Variants in C10orf90 observed in about 807,000 individuals in gnomAD.
The protein encoded by C10orf90 is chromosome 10 open reading frame 90.
A neutral mutation model predicts 62.5 loss-of-function variants in C10orf90; 56 were observed. The ratio of observed to expected loss-of-function variants is 0.90; its 90% confidence interval spans 0.72 to 1.12. The LOEUF (loss-of-function observed/expected upper bound fraction) is 1.12. C10orf90 is among the 50% of genes most tolerant of loss of function. The pLI, the probability that C10orf90 is intolerant of heterozygous loss-of-function variation, is 0.00. For missense variants in C10orf90, 970 were observed against 880.4 expected (o/e 1.10, Z -1.29); for synonymous variants, 386 against 340.4 (o/e 1.13, Z -1.47).
chr10:126,459,217 C>T lies in C10orf90; in HGVS notation c.2011G>A (p.Glu671Lys), dbSNP rs1433967153. Residue 671 changes from glutamate (E) to lysine (K), a missense_variant and splice_region_variant, in exon 7 of 10, where the codon GAA becomes AAA. Physicochemically the swap from Glu to Lys is moderately conservative, Grantham distance 56. Coordinates refer to ENST00000488181, the MANE Select transcript of C10orf90 (RefSeq NM_001350921.2). ...QTPARSLTLQ[E>K]ALEVRKPQFI... ...TGAGGCTTACGAACTTCCAGTGCTTCCTATGCAAAGCAAAGAAAATACGTC... is the reference window on the plus strand; with the variant it reads ...TGAGGCTTACGAACTTCCAGTGCTTTCTATGCAAAGCAAAGAAAATACGTC... 6.2e-7 allele frequency: 1 copy of T among 1,613,776 alleles called. No individual in the cohort carries two copies. Among genetic ancestry groups the T allele is most frequent in the South Asian group, 1.1e-5 (1 of 91,086 alleles).
intron 4 of C10orf90, among the ~76,000 whole-genome samples, chr10:126,484,853 A>T (rs1861342803): frequency 6.6e-6 from 1 of 152,358 alleles, no homozygotes; most frequent in South Asian, 2.1e-4. Flanking sequence ...AGTTCATATC[A>T]TCATATGATC....
intron 2 of C10orf90, among the ~76,000 whole-genome samples, chr10:126,586,698 G>A (rs987180114): frequency 6.6e-6 from 1 of 152,148 alleles, no homozygotes; most frequent in South Asian, 2.1e-4. Flanking sequence ...GAGGGGCTCT[G>A]GAGACTTCCT....
intron 8 of C10orf90, among the ~76,000 whole-genome samples, chr10:126,428,687 A>G (rs1857397780): frequency 6.6e-6 from 1 of 152,124 alleles, no homozygotes; most frequent in South Asian, 2.1e-4. Context: ...AAGGCTCCGT[A>G]ATGGTGGCTT....
intron 2 of C10orf90, among the ~76,000 whole-genome samples, chr10:126,557,771 A>G (rs961981009): frequency 3.3e-5 from 5 of 152,110 alleles, no homozygotes; most frequent in Admixed American, 3.3e-4. Context: ...ACTCCTGTAT[A>G]ATGTGAGTAG....
intron 2 of C10orf90, among the ~76,000 whole-genome samples, chr10:126,543,867 C>A: frequency 6.6e-6 from 1 of 152,166 alleles, no homozygotes; most frequent in East Asian, 1.9e-4. Context: ...CCCCTGAAAG[C>A]CTCAGTGAAC....
intron 2 of C10orf90, among the ~76,000 whole-genome samples, chr10:126,601,802 C>T (rs1415220402): frequency 6.6e-6 from 1 of 152,238 alleles, no homozygotes; most frequent in Non-Finnish European, 1.5e-5. Context: ...GGCCTGGATG[C>T]CGGTGGAGGG....
chr10:126,577,383 A>T (rs1844648740), intron 2 of C10orf90, among the ~76,000 whole-genome samples: 1 of 151,972 alleles, frequency 6.6e-6, no homozygotes, highest in Admixed American at 6.6e-5. Context: ...TTGTATTTCT[A>T]TTTGCTAGCA....
intron 2 of C10orf90, among the ~76,000 whole-genome samples, chr10:126,565,016 ATATAT>A (rs1241036764): frequency 6.8e-5 from 1 of 14,676 alleles, no homozygotes; most frequent in African/African-American, 2.1e-4. Context: ...TATATATAAT[ATATAT>A]TATATATTAT....
At chr10:126,578,785 C>T (rs545214843) in intron 2 of C10orf90, among the ~76,000 whole-genome samples, 1 of 152,116 alleles carries the variant, frequency 6.6e-6, no homozygotes, top group African/African-American at 2.4e-5. Context: ...GAACACAATA[C>T]AACAATTACA....
In C10orf90 at chr10:126,504,579, C is replaced by T. The variant is rs374201285; in HGVS notation, c.912G>A (p.Leu304=). 12 of 1,614,114 alleles carry T rather than the reference C, an allele frequency of 7.4e-6. No individual in the cohort carries two copies. The highest frequency in any genetic ancestry group is 9.3e-6 in the Non-Finnish European group (11 of 1,180,042). The change falls in exon 4 of 10, where the codon CTG becomes CTA. Residue 304 remains leucine, a synonymous_variant. Transcript: ENST00000488181. The surrounding 1 kb of genome is among the most constrained non-coding windows in gnomAD (Gnocchi z 4.1). ...ACCCAGTGTGGGCCTCGGGAACCTT[C>T]AGCCGCACCACGGAGCTGTTTCTGG... ...EFSRNSSVVR[L]KVPEAHTGLC... is the part of the protein sequence containing the mutation.
intron 2 of C10orf90, among the ~76,000 whole-genome samples, chr10:126,563,924 A>G (rs1426786195): frequency 6.6e-6 from 1 of 152,152 alleles, no homozygotes; most frequent in African/African-American, 2.4e-5. Context: ...GGCGTTCTCA[A>G]TCTCAGCACT....
intron 1 of C10orf90, among the ~76,000 whole-genome samples, chr10:126,659,519 T>C: frequency 6.6e-6 from 1 of 152,218 alleles, no homozygotes; most frequent in Admixed American, 6.5e-5. Flanking sequence ...CCTATTGGTT[T>C]CTCTAATACG....
At chr10:126,640,013 C>T (rs1372116564) in intron 2 of C10orf90, among the ~76,000 whole-genome samples, 1 of 152,198 alleles carries the variant, frequency 6.6e-6, no homozygotes, top group Non-Finnish European at 1.5e-5. Flanking sequence ...GTGGCAAGGG[C>T]CGGATGGTCT....
chr10:126,512,767 T>G (rs528043807), intron 3 of C10orf90, among the ~76,000 whole-genome samples: 1 of 152,142 alleles, frequency 6.6e-6, no homozygotes, highest in Non-Finnish European at 1.5e-5. Context: ...ATTATAGCCA[T>G]GCATCTTTAC....
At chr10:126,662,587 C>G (rs777119462) in intron 1 of C10orf90, among the ~76,000 whole-genome samples, 2 of 152,172 alleles carry the variant, frequency 1.3e-5, no homozygotes, top group Admixed American at 1.3e-4. Flanking sequence ...CTTCCTGTGC[C>G]CCCGTTCAGA....
At chr10:126,437,660 G>A (rs10794083) in intron 7 of C10orf90, among the ~76,000 whole-genome samples, 136,832 of 152,092 alleles carry the variant, frequency 0.9, 61,552 homozygotes, top group East Asian at 0.93. Flanking sequence ...TGGGACATAT[G>A]GTATTTGGGA....
At position 126,618,734 on chromosome 10, in the gene C10orf90, G is replaced by A. The variant is rs1183723920; in HGVS notation, c.313+27831C>T. 2.0e-5 allele frequency among the ~76,000 whole-genome samples: 3 copies of A among 152,138 alleles called. No homozygotes were observed. The East Asian group carries it at 5.8e-4, about 29-fold the overall frequency. ...GAGCATATTGAGGAATCACCATGCT[G>A]ACTTTTAAAAAGTATGAGCCTCTCT... On this transcript the variant is annotated intron_variant, in intron 2 of 9. Coordinates refer to ENST00000488181, the MANE Select transcript of C10orf90 (RefSeq NM_001350921.2).
intron 1 of C10orf90, among the ~76,000 whole-genome samples, chr10:126,665,652 CCT>C (rs1779187276): frequency 6.6e-6 from 1 of 152,104 alleles, no homozygotes; most frequent in African/African-American, 2.4e-5. Context: ...CACTATGACC[CCT>C]GAGAGGAGGA....
chr10:126,510,669 T>C (rs774374649), intron 3 of C10orf90, among the ~76,000 whole-genome samples: 2 of 152,242 alleles, frequency 1.3e-5, no homozygotes, highest in Non-Finnish European at 2.9e-5. Context: ...TTACATTTTC[T>C]TTCTCATAGA....
Sources: gnomAD v4.1 joint callset for allele counts (sites outside exome capture counted in the v4.1 genomes callset) on GRCh38, gnomAD v4.1.1 for gene constraint, Gnocchi (gnomAD v3.1) non-coding constraint, MANE v1.5 for transcripts, NCBI Gene and HGNC (gene_info 2026-07-23, HGNC 2026-07-21) for gene names.